ANAPC10: variants seen among roughly 807,000 people sequenced by gnomAD.
ANAPC10 encodes anaphase-promoting complex subunit 10.
In ANAPC10, 12 loss-of-function variants were observed where a neutral mutation model predicts 22.0. The observed-to-expected ratio is 0.55, with a 90% CI of 0.35 to 0.88. The LOEUF (loss-of-function observed/expected upper bound fraction) is 0.88. ANAPC10 is among the 40% of genes least tolerant of loss of function. ANAPC10 has a pLI of 0.01. For synonymous variants in ANAPC10, 65 were observed against 69.5 expected, an observed-to-expected ratio of 0.94 and a Z score of 0.32; for missense variants, 188 against 220.9, an observed-to-expected ratio of 0.85 and a Z score of 0.94.
rs17019858 is a variant in ANAPC10 at position 145,045,957 on chromosome 4, T to C, written c.327+18615A>G. Among the ~76,000 whole-genome samples, 374 of 152,106 alleles carry C rather than the reference T, an allele frequency of 2.5e-3. 1 individual carries two copies. The highest frequency in any genetic ancestry group is 8.4e-3 in the African/African-American group (350 of 41,548). On this transcript the variant is annotated intron_variant, in intron 4 of 4. Coordinates refer to ENST00000507656, the MANE Select transcript of ANAPC10 (RefSeq NM_001256706.2). Reference sequence around the variant, plus strand: ...TTAACATATGTTCTAGCAAAAATTATATTATGATTATCTATGCTTTTGCTT... The same window carrying C: ...TTAACATATGTTCTAGCAAAAATTACATTATGATTATCTATGCTTTTGCTT...
chr4:145,073,295 T>A (rs982280107), intron 3 of ANAPC10, among the ~76,000 whole-genome samples: 1 of 152,204 alleles, frequency 6.6e-6, no homozygotes, highest in African/African-American at 2.4e-5. Flanking sequence ...GCACAAATGC[T>A]TTTTTACAAA....
intron 4 of ANAPC10, among the ~76,000 whole-genome samples, chr4:145,014,172 G>T (rs150025022): frequency 6.6e-6 from 1 of 152,052 alleles, no homozygotes; most frequent in African/African-American, 2.4e-5. Context: ...TTCATAGCTC[G>T]GAGGTGGGTA....
chr4:145,034,090 T>C (rs1392907274), intron 4 of ANAPC10, among the ~76,000 whole-genome samples: 1 of 152,186 alleles, frequency 6.6e-6, no homozygotes, highest in Admixed American at 6.5e-5. Context: ...ATGAAGATTA[T>C]GTAGGATCTC....
chr4:145,016,656 T>C (rs1735206697), intron 4 of ANAPC10, among the ~76,000 whole-genome samples: 1 of 152,200 alleles, frequency 6.6e-6, no homozygotes, highest in Non-Finnish European at 1.5e-5. Context: ...GGAGTCCACA[T>C]TGCCAAGTCA....
intron 4 of ANAPC10, among the ~76,000 whole-genome samples, chr4:145,027,471 G>C (rs1736930347): frequency 6.6e-6 from 1 of 152,092 alleles, no homozygotes; most frequent in Non-Finnish European, 1.5e-5. Context: ...AAGAACACAA[G>C]AGTGTCTCCA....
chr4:145,003,883 A>G (rs1732954136), intron 4 of ANAPC10, among the ~76,000 whole-genome samples: 2 of 152,130 alleles, frequency 1.3e-5, no homozygotes, highest in Non-Finnish European at 2.9e-5. Context: ...GAACAATGTC[A>G]TTGGTAATTT....
chr4:145,018,138 T>C (rs1310840343), intron 4 of ANAPC10, among the ~76,000 whole-genome samples: 2 of 148,886 alleles, frequency 1.3e-5, no homozygotes, highest in African/African-American at 2.4e-5. Flanking sequence ...TATATATATA[T>C]AAATAAAATA....
At chr4:145,086,496 G>A (rs1331180195) in intron 2 of ANAPC10, among the ~76,000 whole-genome samples, 1 of 152,266 alleles carries the variant, frequency 6.6e-6, no homozygotes, top group East Asian at 1.9e-4. Flanking sequence ...GAACTTGTTA[G>A]GAATTCTAGA....
intron 3 of ANAPC10, among the ~76,000 whole-genome samples, chr4:145,066,712 C>G (rs1250998423): frequency 6.6e-6 from 1 of 151,786 alleles, no homozygotes; most frequent in Admixed American, 6.6e-5. Context: ...ATGCTCTATA[C>G]ATATTGTCTC....
chr4:145,041,442 T>C (rs1018129421), intron 4 of ANAPC10, among the ~76,000 whole-genome samples: 2 of 152,246 alleles, frequency 1.3e-5, no homozygotes, highest in African/African-American at 4.8e-5. Context: ...AAGACCGTTT[T>C]TGTTCTATTC....
At position 145,034,787 on chromosome 4, in the gene ANAPC10, G is replaced by A. The variant is rs552650136; in HGVS notation, c.327+29785C>T. On this transcript the variant is annotated intron_variant, in intron 4 of 4. Transcript: ENST00000507656. ...TGGATGTGTGTTAGGCTGCAGTGCCGGTCTAAGGAAAATCTGATGAAACTG... is the reference window on the plus strand; with the variant it reads ...TGGATGTGTGTTAGGCTGCAGTGCCAGTCTAAGGAAAATCTGATGAAACTG... Among the ~76,000 whole-genome samples the A allele has an allele frequency of 2.6e-5, 4 of 151,820 alleles. No homozygotes were observed. The East Asian group carries it at 5.8e-4, about 22-fold the overall frequency.
chr4:145,038,814 T>A (rs530629179), intron 4 of ANAPC10, among the ~76,000 whole-genome samples: 1 of 105,564 alleles, frequency 9.5e-6, no homozygotes, highest in Non-Finnish European at 1.8e-5. Flanking sequence ...AGAGTGAGAC[T>A]CTGTCTCAAA....
intron 3 of ANAPC10, among the ~76,000 whole-genome samples, chr4:145,074,301 T>C (rs1199135682): frequency 6.6e-6 from 1 of 152,008 alleles, no homozygotes. Context: ...CAAGAAAAAT[T>C]ACCTCTCTTT....
intron 3 of ANAPC10, among the ~76,000 whole-genome samples, chr4:145,072,254 C>G (rs1272783860): frequency 6.6e-6 from 1 of 152,150 alleles, no homozygotes; most frequent in Non-Finnish European, 1.5e-5. Context: ...TCATCCAGAG[C>G]AGAGAAAGAG....
In ANAPC10 at chr4:145,095,980, T is replaced by C; in HGVS notation, c.115+5A>G. 2 of 1,614,082 alleles carry C rather than the reference T, an allele frequency of 1.2e-6. No homozygotes were observed. Among genetic ancestry groups the C allele is most frequent in the Non-Finnish European group, 1.7e-6 (2 of 1,179,976 alleles). On this transcript the variant is annotated splice_donor_5th_base_variant and intron_variant, in intron 2 of 4. Transcript: ENST00000507656. ...CCAACAGCTTTTTTGTTTGTTAGTTTTTACCTGGTTTGCAAGATGAGAGTG... is the reference window on the plus strand; with the variant it reads ...CCAACAGCTTTTTTGTTTGTTAGTTCTTACCTGGTTTGCAAGATGAGAGTG...
At chr4:145,002,506 G>A (rs867161301) in intron 4 of ANAPC10, among the ~76,000 whole-genome samples, 2 of 152,012 alleles carry the variant, frequency 1.3e-5, no homozygotes, top group East Asian at 3.9e-4. Flanking sequence ...TCCAGAAGTC[G>A]TCCCTGGAGA....
chr4:145,047,968 T>A (rs1177087391), intron 4 of ANAPC10, among the ~76,000 whole-genome samples: 1 of 152,142 alleles, frequency 6.6e-6, no homozygotes, highest in Non-Finnish European at 1.5e-5. Flanking sequence ...ACCTCTGGGC[T>A]ATGATAAGAG....
In ANAPC10 at chr4:145,037,946, C is replaced by CAAA. The variant is rs36071811; in HGVS notation, c.327+26623_327+26625dup. Among the ~76,000 whole-genome samples the CAAA allele has an allele frequency of 2.6e-3, 188 of 71,552 alleles. 3 individuals are homozygous for CAAA. Among genetic ancestry groups the CAAA allele is most frequent in the African/African-American group, 7.7e-3 (170 of 21,978 alleles). The allele number at this position is 71,552 out of a possible 152,430, so 46.9% of individuals were successfully genotyped here. On this transcript the variant is annotated intron_variant, in intron 4 of 4. Transcript: ENST00000507656. ...TGGGTGACAGAGCAAAACCCTGTCT[C>CAAA]AAAAAAAAAAAAAAAAAAAAAATCC...
chr4:145,048,721 T>C (rs184427766), intron 4 of ANAPC10, among the ~76,000 whole-genome samples: 5 of 151,822 alleles, frequency 3.3e-5, no homozygotes, highest in African/African-American at 1.2e-4. Context: ...CTAAAGAACA[T>C]GTATGTTTTT....
Sources: allele counts gnomAD v4.1 joint callset (sites outside exome capture counted in the v4.1 genomes callset), GRCh38; gene constraint gnomAD v4.1.1; transcripts MANE v1.5; gene names NCBI Gene and HGNC (gene_info 2026-07-23, HGNC 2026-07-21).